TTC39B: variants seen among roughly 807,000 people sequenced by gnomAD.
The protein encoded by TTC39B is tetratricopeptide repeat domain 39B, also known as tetratricopeptide repeat protein 39B.
In TTC39B, 92 loss-of-function variants were observed where a neutral mutation model predicts 96.6. The ratio of observed to expected loss-of-function variants is 0.95; its 90% CI spans 0.80 to 1.13. TTC39B has a LOEUF of 1.13. Among genes scored for constraint, TTC39B ranks in the 50% most tolerant of loss-of-function variants. The pLI is 0.00. For synonymous variants in TTC39B, 367 were observed against 299.4 expected (o/e 1.23, Z -2.33); for missense variants, 955 against 809.3 (o/e 1.18, Z -2.18).
chr9:15,268,177 C>T (rs575562882), intron 1 of TTC39B, among the ~76,000 whole-genome samples: 1 of 152,192 alleles, frequency 6.6e-6, no homozygotes, highest in African/African-American at 2.4e-5. Flanking sequence ...GTAAAATACT[C>T]AGCAAGTGAT....
At position 15,186,932 on chromosome 9, in the gene TTC39B, T is replaced by C. The variant is rs1258041763; in HGVS notation, c.1487+12A>G. On this transcript the variant is annotated intron_variant, in intron 15 of 19. Transcript: ENST00000512701. The stretch of plus-strand genomic sequence containing the variant: ...CTCAGAGCCTTTGTTATAGGAATAG[T>C]GTCTCACATACCTGAATAAAGTTAC... 2 of 1,610,424 alleles carry C rather than the reference T, an allele frequency of 1.2e-6. No homozygotes were observed. Among genetic ancestry groups the C allele is most frequent in the South Asian group, 1.1e-5 (1 of 90,964 alleles).
intron 7 of TTC39B, among the ~76,000 whole-genome samples, chr9:15,202,325 G>A (rs1819587525): frequency 6.6e-6 from 1 of 152,184 alleles, no homozygotes; most frequent in African/African-American, 2.4e-5. Context: ...TTAGGAAACA[G>A]GGTCATGGGC....
chr9:15,291,393 G>A (rs187035088), intron 1 of TTC39B, among the ~76,000 whole-genome samples: 6 of 152,304 alleles, frequency 3.9e-5, no homozygotes, highest in African/African-American at 1.2e-4. Flanking sequence ...TGCCATGCAC[G>A]TGAGACGTGA....
chr9:15,268,299 G>A (rs1293443652), intron 1 of TTC39B, among the ~76,000 whole-genome samples: 1 of 152,128 alleles, frequency 6.6e-6, no homozygotes, highest in Non-Finnish European at 1.5e-5. Context: ...CTTGCCCGAT[G>A]TAGTCTTTTC....
chr9:15,242,688 C>G (rs1420457637), intron 2 of TTC39B, among the ~76,000 whole-genome samples: 1 of 152,174 alleles, frequency 6.6e-6, no homozygotes, highest in Non-Finnish European at 1.5e-5. Context: ...TCTAGACCAC[C>G]TTCTCTGGAG....
At chr9:15,239,085 T>C (rs766700885) in intron 2 of TTC39B, among the ~76,000 whole-genome samples, 15 of 151,240 alleles carry the variant, frequency 9.9e-5, no homozygotes, top group Non-Finnish European at 2.1e-4. Flanking sequence ...ACAACACCAT[T>C]AAAAACTGGG....
At chr9:15,264,903 C>T (rs573682854) in intron 2 of TTC39B, among the ~76,000 whole-genome samples, 3 of 152,088 alleles carry the variant, frequency 2.0e-5, no homozygotes, top group South Asian at 4.1e-4. Context: ...CCAGACAATG[C>T]TAATATTAAA....
At chr9:15,259,079 A>G (rs1262001675) in intron 2 of TTC39B, among the ~76,000 whole-genome samples, 1 of 152,146 alleles carries the variant, frequency 6.6e-6, no homozygotes, top group African/African-American at 2.4e-5. Flanking sequence ...ACAAGGAAAA[A>G]ACACCAGGAA....
chr9:15,240,740 T>C (rs1174077919), intron 2 of TTC39B, among the ~76,000 whole-genome samples: 1 of 152,206 alleles, frequency 6.6e-6, no homozygotes, highest in Non-Finnish European at 1.5e-5. Context: ...GAAGTCAGAA[T>C]ACATCACTAC....
At chr9:15,276,668 G>A (rs989283468) in intron 1 of TTC39B, among the ~76,000 whole-genome samples, 2 of 152,200 alleles carry the variant, frequency 1.3e-5, no homozygotes, top group African/African-American at 4.8e-5. Context: ...AGCCTGTGTA[G>A]TAGAGCGGAA....
intron 2 of TTC39B, among the ~76,000 whole-genome samples, chr9:15,262,983 C>A (rs973217045): frequency 2.0e-5 from 3 of 152,050 alleles, no homozygotes; most frequent in Non-Finnish European, 4.4e-5. Flanking sequence ...ATTGACAAAC[C>A]CTGAAATTAG....
chr9:15,222,929 G>C (rs1820927146), intron 3 of TTC39B, among the ~76,000 whole-genome samples: 1 of 152,174 alleles, frequency 6.6e-6, no homozygotes. Flanking sequence ...CTCTAATGAA[G>C]AGATGTGGTA....
intron 1 of TTC39B, among the ~76,000 whole-genome samples, chr9:15,298,531 G>A (rs1031754395): frequency 3.3e-5 from 5 of 152,110 alleles, no homozygotes; most frequent in Non-Finnish European, 5.9e-5. Context: ...TGTGTGCGGG[G>A]AAACTGCCCT....
exon 20 of TTC39B, chr9:15,164,727 T>C (rs1305481030): frequency 8.0e-6 from 1 of 124,270 alleles, no homozygotes. Context: ...GTTTGGATGT[T>C]AACAGTCAGC....
chr9:15,288,389 A>G (rs1824057296), intron 1 of TTC39B, among the ~76,000 whole-genome samples: 1 of 152,222 alleles, frequency 6.6e-6, no homozygotes, highest in Admixed American at 6.5e-5. Flanking sequence ...GGAAATGAAC[A>G]GAAGAGCAGA....
chr9:15,291,771 C>T (rs944411123), intron 1 of TTC39B, among the ~76,000 whole-genome samples: 1 of 152,166 alleles, frequency 6.6e-6, no homozygotes, highest in Non-Finnish European at 1.5e-5. Context: ...CAGCCTCTTC[C>T]CTGACACACC....
chr9:15,213,209 C>G (rs1016333329), intron 4 of TTC39B, among the ~76,000 whole-genome samples: 3 of 151,938 alleles, frequency 2.0e-5, no homozygotes, highest in African/African-American at 4.8e-5. Flanking sequence ...GAGGTAGAGA[C>G]AGGAGACAAA....
chr9:15,220,874 C>A (rs569932728), intron 3 of TTC39B, among the ~76,000 whole-genome samples: 1 of 152,264 alleles, frequency 6.6e-6, no homozygotes, highest in South Asian at 2.1e-4. Flanking sequence ...GAGTCTACAG[C>A]CACATCACCC....
chr9:15,219,237 G>C (rs963602302), intron 3 of TTC39B, among the ~76,000 whole-genome samples: 1 of 152,152 alleles, frequency 6.6e-6, no homozygotes, highest in African/African-American at 2.4e-5. Flanking sequence ...ATAAAAAGTA[G>C]TTGTAAAGAT....
Sources: gnomAD v4.1 joint callset for allele counts (sites outside exome capture counted in the v4.1 genomes callset) on GRCh38, gnomAD v4.1.1 for gene constraint, MANE v1.5 for transcripts, NCBI Gene and HGNC (gene_info 2026-07-23, HGNC 2026-07-21) for gene names.